DOCK1: variants seen among roughly 807,000 people sequenced by gnomAD.
DOCK1 encodes dedicator of cytokinesis 1.
In DOCK1, 138 loss-of-function variants were observed where a neutral mutation model predicts 262.7. The observed-to-expected ratio is 0.53, with a 90% CI of 0.46 to 0.61. The LOEUF (loss-of-function observed/expected upper bound fraction) is 0.61, where lower values mean the gene tolerates loss of function less well. Among genes scored for constraint, DOCK1 ranks in the 20% least tolerant of loss-of-function variants. DOCK1 has a pLI of 0.00. For missense variants in DOCK1, 1,908 were observed against 2,370.7 expected, an observed-to-expected ratio of 0.80 and a Z score of 4.05; for synonymous variants, 866 against 867.4, an observed-to-expected ratio of 1.00 and a Z score of 0.03.
chr10:127,049,645 A>G (rs1170565918), intron 21 of DOCK1, among the ~76,000 whole-genome samples: 1 of 152,218 alleles, frequency 6.6e-6, no homozygotes, highest in Non-Finnish European at 1.5e-5. Context: ...ATGTATTGAA[A>G]AATAAAATAT....
chr10:127,189,855 G>A (rs2056585064), intron 27 of DOCK1, among the ~76,000 whole-genome samples: 1 of 152,026 alleles, frequency 6.6e-6, no homozygotes, highest in Non-Finnish European at 1.5e-5. Context: ...ATGCAGCGCT[G>A]TCATTGATTT....
chr10:127,087,194 A>C (rs2136063807), intron 23 of DOCK1, among the ~76,000 whole-genome samples: 1 of 152,246 alleles, frequency 6.6e-6, no homozygotes, highest in Non-Finnish European at 1.5e-5. Flanking sequence ...TTTCTTCATG[A>C]TATGTGTGTG....
chr10:126,961,568 A>T (rs2037222746), intron 1 of DOCK1, among the ~76,000 whole-genome samples: 1 of 152,144 alleles, frequency 6.6e-6, no homozygotes, highest in African/African-American at 2.4e-5. Context: ...AGGAAGAGGA[A>T]CCTCATGTAA....
chr10:127,357,156 A>C (rs912131638), intron 32 of DOCK1, among the ~76,000 whole-genome samples: 2 of 152,162 alleles, frequency 1.3e-5, no homozygotes, highest in Non-Finnish European at 2.9e-5. Flanking sequence ...CCTAGCACCA[A>C]GGGAGCCTCT....
At chr10:127,025,717 T>C (rs921250017) in intron 15 of DOCK1, among the ~76,000 whole-genome samples, 1 of 152,020 alleles carries the variant, frequency 6.6e-6, no homozygotes, top group Non-Finnish European at 1.5e-5. Context: ...CCCAGACTGC[T>C]GGGATTACAG....
intron 29 of DOCK1, among the ~76,000 whole-genome samples, chr10:127,269,905 G>T (rs927106705): frequency 6.6e-6 from 1 of 152,228 alleles, no homozygotes; most frequent in Admixed American, 6.5e-5. Flanking sequence ...AGAGCTTGAC[G>T]AGGAGGTCCT....
intron 29 of DOCK1, among the ~76,000 whole-genome samples, chr10:127,307,278 T>C: frequency 6.6e-6 from 1 of 152,352 alleles, no homozygotes; most frequent in East Asian, 1.9e-4. Flanking sequence ...CGGCCTGGGC[T>C]GGCCTCATCA....
chr10:127,149,103 C>G (rs902672671), intron 27 of DOCK1, among the ~76,000 whole-genome samples: 1 of 152,156 alleles, frequency 6.6e-6, no homozygotes, highest in African/African-American at 2.4e-5. Context: ...TTGTGACTCT[C>G]CACACTTTTA....
At chr10:127,260,757 G>C (rs999134420) in intron 29 of DOCK1, among the ~76,000 whole-genome samples, 4 of 147,872 alleles carry the variant, frequency 2.7e-5, no homozygotes, top group African/African-American at 7.7e-5. Flanking sequence ...GTGTACCCGT[G>C]CTCATCTGTG....
rs141260674 is a variant in DOCK1, at chr10:127,026,272, C to A, written c.1552-80C>A. 3.1e-6 allele frequency: 4 copies of A among 1,286,912 alleles called. No individual in the cohort carries two copies. In the African/African-American group the frequency reaches 4.4e-5, roughly 14 times the overall value. The allele number at this position is 1,286,912 out of a possible 1,614,324, so 79.7% of individuals were successfully genotyped here. A position where few individuals can be genotyped will look rare whatever the true frequency, so the allele number is the denominator to read the frequency against. On this transcript the variant is annotated intron_variant, in intron 15 of 51. Transcript: ENST00000623213. The stretch of plus-strand genomic sequence containing the variant: ...CAGTTAGAAATGTTTACAGTTGTAC[C>A]TGATAGCTCCAGTTGAATAAAGCTG...
At chr10:127,275,720 G>A (rs2060716507) in intron 29 of DOCK1, among the ~76,000 whole-genome samples, 1 of 151,808 alleles carries the variant, frequency 6.6e-6, no homozygotes, top group Non-Finnish European at 1.5e-5. Context: ...GTTGCAACAG[G>A]AGAGGACAGA....
At chr10:127,305,437 G>A (rs749115424) in intron 29 of DOCK1, among the ~76,000 whole-genome samples, 16 of 152,166 alleles carry the variant, frequency 1.1e-4, no homozygotes, top group Non-Finnish European at 1.9e-4. Context: ...TGGAAATCTT[G>A]TCTGAGGATT....
chr10:127,426,159 G>A (rs2068801127), intron 47 of DOCK1, 148 bp downstream of exon 47: 1 of 1,371,110 alleles, frequency 7.3e-7, no homozygotes, highest in South Asian at 1.4e-5. Flanking sequence ...CAGCCCCCTT[G>A]GGCAGTCTTG....
chr10:127,234,424 A>C (rs993949947), intron 27 of DOCK1, among the ~76,000 whole-genome samples: 4 of 152,064 alleles, frequency 2.6e-5, no homozygotes, highest in African/African-American at 9.7e-5. Flanking sequence ...TTAAAAAAGC[A>C]CTCCCTCCAA....
chr10:127,218,949 T>C (rs1343424159), intron 27 of DOCK1, among the ~76,000 whole-genome samples: 2 of 152,110 alleles, frequency 1.3e-5, no homozygotes, highest in Admixed American at 6.6e-5. Context: ...CCTGGTGGGA[T>C]GGAAAGGGAA....
At chr10:127,328,644 G>A (rs1564995920) in intron 29 of DOCK1, among the ~76,000 whole-genome samples, 1 of 152,118 alleles carries the variant, frequency 6.6e-6, no homozygotes, top group Non-Finnish European at 1.5e-5. Flanking sequence ...GAGAGGGATG[G>A]CAGGGATGGC....
At chr10:127,280,731 T>G (rs1195403786) in intron 29 of DOCK1, among the ~76,000 whole-genome samples, 1 of 152,232 alleles carries the variant, frequency 6.6e-6, no homozygotes, top group East Asian at 1.9e-4. Context: ...TTCTTCACTG[T>G]GTTCTGAGAG....
chr10:127,026,114 G>GA (rs987561976), intron 15 of DOCK1: 532 of 474,286 alleles, frequency 1.1e-3, no homozygotes, highest in East Asian at 2.0e-3. Context: ...AGAGCATTCA[G>GA]AAAAAAAAAT....
At chr10:127,450,335 A>G (rs183484834) in intron 51 of DOCK1, among the ~76,000 whole-genome samples, 90 of 152,254 alleles carry the variant, frequency 5.9e-4, no homozygotes, top group Admixed American at 1.2e-3. Flanking sequence ...GCAAACCCAC[A>G]CTGAGAGGCT....
Sources: gnomAD v4.1 joint callset for allele counts (sites outside exome capture counted in the v4.1 genomes callset) on GRCh38, gnomAD v4.1.1 for gene constraint, MANE v1.5 for transcripts, NCBI Gene and HGNC (gene_info 2026-07-23, HGNC 2026-07-21) for gene names.